AFTPH: variants seen among roughly 807,000 people sequenced by gnomAD.
AFTPH encodes aftiphilin.
A neutral mutation model predicts 72.5 loss-of-function variants in AFTPH; 7 were observed. That is an observed-to-expected ratio of 0.10 (90% CI 0.05 to 0.18). The LOEUF is 0.18. Ranked by LOEUF, AFTPH falls within the 10% of genes least tolerant of loss-of-function variation. The pLI, the probability that AFTPH is intolerant of heterozygous loss-of-function variation, is 1.00. For missense variants in AFTPH, 979 were observed against 1,060.5 expected, an observed-to-expected ratio of 0.92 and a Z score of 1.07; for synonymous variants, 337 against 370.1, an observed-to-expected ratio of 0.91 and a Z score of 1.03.
intron 7 of AFTPH, 85 bp downstream of exon 7, chr2:64,579,631 C>T: frequency 8.0e-7 from 1 of 1,250,438 alleles, no homozygotes. Context: ...TGCTGATTTC[C>T]TTTTTTGTTT....
At chr2:64,526,514 A>C (rs936125543) in intron 1 of AFTPH, among the ~76,000 whole-genome samples, 3 of 152,210 alleles carry the variant, frequency 2.0e-5, no homozygotes, top group Non-Finnish European at 4.4e-5. Flanking sequence ...TGTTACCTAC[A>C]CTTTGTAGAT....
intron 1 of AFTPH, among the ~76,000 whole-genome samples, chr2:64,528,582 A>C (rs1378952312): frequency 2.6e-5 from 4 of 152,060 alleles, no homozygotes; most frequent in Non-Finnish European, 5.9e-5. Flanking sequence ...GTAGTAAGGG[A>C]GGTTGGTGGG....
intron 2 of AFTPH, among the ~76,000 whole-genome samples, chr2:64,566,124 A>G (rs950425172): frequency 1.3e-5 from 2 of 152,208 alleles, no homozygotes; most frequent in Non-Finnish European, 1.5e-5. Context: ...TTAGGTGGTT[A>G]TCTGATCCCT....
At chr2:64,557,335 G>A (rs1426495634) in intron 2 of AFTPH, among the ~76,000 whole-genome samples, 1 of 152,156 alleles carries the variant, frequency 6.6e-6, no homozygotes, top group African/African-American at 2.4e-5. Flanking sequence ...GAGGCTATGA[G>A]TTATTTTTTA....
At chr2:64,584,463 T>A (rs954394048) in intron 7 of AFTPH, among the ~76,000 whole-genome samples, 4 of 152,156 alleles carry the variant, frequency 2.6e-5, no homozygotes, top group Admixed American at 2.0e-4. Context: ...ATTAACCCTG[T>A]AGACAAGAAT....
In AFTPH at chr2:64,574,964, C is replaced by CTACTTGGTACATTCA. The variant is rs543323597; in HGVS notation, c.2394+1912_2394+1926dup. On this transcript the variant is annotated intron_variant, in intron 6 of 8. Transcript: ENST00000238856. ...GGTATTAGGAAAGTATTTTGAGTAA[C>CTACTTGGTACATTCA]TACTTGGTACATTCATACTTGGTAC... 4.4e-3 allele frequency among the ~76,000 whole-genome samples: 669 copies of CTACTTGGTACATTCA among 152,318 alleles called. 8 individuals are homozygous for CTACTTGGTACATTCA. The highest frequency in any genetic ancestry group is 0.015 in the African/African-American group (627 of 41,568).
intron 1 of AFTPH, among the ~76,000 whole-genome samples, chr2:64,544,917 T>C (rs1346902956): frequency 6.6e-6 from 1 of 152,158 alleles, no homozygotes; most frequent in Non-Finnish European, 1.5e-5. Flanking sequence ...TTGAGAAATA[T>C]GAAAATGTTT....
intron 6 of AFTPH, among the ~76,000 whole-genome samples, chr2:64,576,243 G>A (rs1191657761): frequency 6.6e-6 from 1 of 150,442 alleles, no homozygotes; most frequent in African/African-American, 2.4e-5. Flanking sequence ...TTTTGGCCAT[G>A]CAGGAAGTTA....
chr2:64,566,384 C>G (rs1319382570), intron 2 of AFTPH, among the ~76,000 whole-genome samples: 1 of 152,024 alleles, frequency 6.6e-6, no homozygotes, highest in Non-Finnish European at 1.5e-5. Flanking sequence ...GATACAGCTT[C>G]CAAAAGAGAT....
chr2:64,591,969 C>T (rs750320922), exon 9 of AFTPH: 1 of 1,613,912 alleles, frequency 6.2e-7, no homozygotes, highest in Admixed American at 1.7e-5. Flanking sequence ...TCATGCATGC[C>T]AAGGTGTTGA....
intron 6 of AFTPH, among the ~76,000 whole-genome samples, chr2:64,576,671 T>C (rs10207080): frequency 0.35 from 53,179 of 152,072 alleles, 9,421 homozygotes; most frequent in South Asian, 0.39. Flanking sequence ...CGGTAGCAAC[T>C]TCTCTTAGAC....
At chr2:64,536,736 T>G (rs1669912437) in intron 1 of AFTPH, among the ~76,000 whole-genome samples, 1 of 151,024 alleles carries the variant, frequency 6.6e-6, no homozygotes, top group South Asian at 2.1e-4. Flanking sequence ...GTCAATTGCT[T>G]GAGCTCAGGA....
chr2:64,555,219 C>CT (rs749651386), intron 2 of AFTPH, among the ~76,000 whole-genome samples: 3 of 151,738 alleles, frequency 2.0e-5, no homozygotes, highest in Non-Finnish European at 2.9e-5. Flanking sequence ...TAGTATGATT[C>CT]TTTTTTTTAT....
At chr2:64,576,113 ACACACG>A (rs1363856557) in intron 6 of AFTPH, among the ~76,000 whole-genome samples, 19 of 122,212 alleles carry the variant, frequency 1.6e-4, no homozygotes, top group African/African-American at 8.0e-4. Context: ...ACACACACAC[ACACACG>A]TGTGTCATAC....
intron 1 of AFTPH, among the ~76,000 whole-genome samples, chr2:64,548,363 G>C (rs576506385): frequency 1.6e-5 from 2 of 125,914 alleles, no homozygotes; most frequent in Non-Finnish European, 3.2e-5. Context: ...ACTGCAGTCC[G>C]CAGTCAGGCC....
At chr2:64,527,363 C>A (rs1158223451) in intron 1 of AFTPH, among the ~76,000 whole-genome samples, 1 of 152,120 alleles carries the variant, frequency 6.6e-6, no homozygotes, top group East Asian at 1.9e-4. Flanking sequence ...GGCAGATCAC[C>A]TGAGGTCGGG....
At chr2:64,541,128 C>T (rs910965368) in intron 1 of AFTPH, among the ~76,000 whole-genome samples, 4 of 151,126 alleles carry the variant, frequency 2.6e-5, no homozygotes, top group African/African-American at 7.4e-5. Flanking sequence ...GAAGCATTTC[C>T]ACCTCATATG....
At chr2:64,552,700 C>T (rs1276325981) in exon 2 of AFTPH, 29 of 1,614,048 alleles carry the variant, frequency 1.8e-5, no homozygotes, top group Non-Finnish European at 2.5e-5. Context: ...TTGGATGATT[C>T]TTTAAGTGTA....
In AFTPH at chr2:64,567,584, A is replaced by G. The variant is rs575600759; in HGVS notation, c.1958A>G (p.Glu653Gly). 2 of 1,612,004 alleles carry G rather than the reference A, an allele frequency of 1.2e-6. No individual in the cohort carries two copies. Among genetic ancestry groups the G allele is most frequent in the African/African-American group, 2.7e-5 (2 of 74,972 alleles). The change falls in exon 3 of 9, where the codon GAG becomes GGG. Residue 653 changes from glutamate to glycine, a missense_variant. Coordinates refer to ENST00000238856, the Ensembl canonical transcript of AFTPH. ...CAGACAGCTTTATTAAACCGCCTGG[A>G]GCGAATTTTCGAAGCATGTTTTCCT...
Sources: allele counts gnomAD v4.1 joint callset (sites outside exome capture counted in the v4.1 genomes callset), GRCh38; gene constraint gnomAD v4.1.1; transcripts MANE v1.5; gene names NCBI Gene and HGNC (gene_info 2026-07-23, HGNC 2026-07-21).